Variants in ZNF480 observed in about 807,000 individuals in gnomAD.
ZNF480 encodes zinc finger protein 480.
Under a neutral mutation model 14.4 loss-of-function variants are expected in ZNF480, and 15 were observed. The observed-to-expected ratio is 1.04, with a 90% CI of 0.70 to 1.60. ZNF480 has a LOEUF of 1.60. ZNF480 is among the 40% of genes most tolerant of loss of function. ZNF480 has a pLI of 0.00. For synonymous variants in ZNF480, 218 were observed against 215.5 expected (o/e 1.01, Z -0.10); for missense variants, 593 against 629.7 (o/e 0.94, Z 0.62).
intron 2 of ZNF480, among the ~76,000 whole-genome samples, chr19:52,309,831 C>A (rs1983183204): frequency 6.6e-6 from 1 of 152,084 alleles, no homozygotes; most frequent in Non-Finnish European, 1.5e-5. Flanking sequence ...TCAAAATGGT[C>A]CGGGGCTTCC....
In ZNF480 at chr19:52,314,135, A is replaced by T; in HGVS notation, c.73-18A>T. On this transcript the variant is annotated intron_variant, in intron 2 of 4. Transcript: ENST00000595962. ...ACCCTTTACATATCCTGTTGGTGAA[A>T]TGTGGTTTTCATTTTAGGGACACTT... 1 of 1,549,952 alleles carries T rather than the reference A, an allele frequency of 6.5e-7. No homozygotes were observed. Among genetic ancestry groups the T allele is most frequent in the Non-Finnish European group, 8.8e-7 (1 of 1,140,232 alleles).
At chr19:52,310,723 G>A (rs913784298) in intron 2 of ZNF480, among the ~76,000 whole-genome samples, 4 of 151,730 alleles carry the variant, frequency 2.6e-5, no homozygotes, top group Non-Finnish European at 5.9e-5. Context: ...ACTGCTAGCC[G>A]GTCATGGTGG....
rs551964166 is a variant in ZNF480, at chr19:52,320,860, C to T, written c.329-719C>T. Among the ~76,000 whole-genome samples, 6 of 152,090 alleles carry T rather than the reference C, an allele frequency of 3.9e-5. No homozygotes were observed. In the East Asian group the frequency reaches 7.7e-4, roughly 20 times the overall value. Reference sequence around the variant, plus strand: ...AATGTGGTGGTGCATGCCTGTAGACCCAGCTACTCAGGAGGCTGAAGCAGG... The same window carrying T: ...AATGTGGTGGTGCATGCCTGTAGACTCAGCTACTCAGGAGGCTGAAGCAGG... On this transcript the variant is annotated intron_variant, in intron 4 of 4. Transcript: ENST00000595962.
intron 2 of ZNF480, chr19:52,313,951 C>G (rs111967758): frequency 0.027 from 11,730 of 441,428 alleles, 210 homozygotes; most frequent in Non-Finnish European, 0.035. Flanking sequence ...TGCACTCCAG[C>G]CTGGGCAACA....
At chr19:52,317,078 C>T (rs915009374) in intron 4 of ZNF480, among the ~76,000 whole-genome samples, 11 of 151,798 alleles carry the variant, frequency 7.2e-5, no homozygotes, top group African/African-American at 2.4e-4. Context: ...AGTGCAGTGG[C>T]GTGATCTTGG....
At chr19:52,304,331 T>C (rs958941143) in intron 2 of ZNF480, among the ~76,000 whole-genome samples, 1 of 152,340 alleles carries the variant, frequency 6.6e-6, no homozygotes, top group Non-Finnish European at 1.5e-5. Context: ...AATGTCCCCA[T>C]AGGTTGTATA....
At chr19:52,299,628 C>A (rs937752729) in intron 1 of ZNF480, among the ~76,000 whole-genome samples, 1 of 152,138 alleles carries the variant, frequency 6.6e-6, no homozygotes, top group African/African-American at 2.4e-5. Flanking sequence ...GATGACTAGC[C>A]CGATGGAAGA....
chr19:52,309,807 GT>G (rs772939991), intron 2 of ZNF480, among the ~76,000 whole-genome samples: 61 of 152,098 alleles, frequency 4.0e-4, no homozygotes, highest in Non-Finnish European at 7.9e-4. Flanking sequence ...TGTTTAATTT[GT>G]GTCCACATGG....
At chr19:52,319,171 T>C (rs1163032378) in intron 4 of ZNF480, among the ~76,000 whole-genome samples, 1 of 152,102 alleles carries the variant, frequency 6.6e-6, no homozygotes, top group African/African-American at 2.4e-5. Flanking sequence ...GGTCATTTTT[T>C]ACTTTAATGG....
intron 2 of ZNF480, among the ~76,000 whole-genome samples, chr19:52,304,543 C>G (rs892347769): frequency 3.9e-5 from 6 of 152,002 alleles, no homozygotes; most frequent in Admixed American, 3.9e-4. Flanking sequence ...TATTTGTTAA[C>G]CATTTTAAAG....
At chr19:52,320,026 C>T (rs1177674929) in intron 4 of ZNF480, among the ~76,000 whole-genome samples, 2 of 151,978 alleles carry the variant, frequency 1.3e-5, no homozygotes, top group Non-Finnish European at 2.9e-5. Context: ...CCATGTTGGT[C>T]AGGCTGGTCT....
intron 1 of ZNF480, among the ~76,000 whole-genome samples, 183 bp downstream of exon 1, chr19:52,297,406 G>A (rs1982453375): frequency 6.6e-6 from 1 of 151,670 alleles, no homozygotes; most frequent in South Asian, 2.1e-4. Context: ...GCTCGGCGGC[G>A]GGTCCTGTCC....
intron 2 of ZNF480, among the ~76,000 whole-genome samples, chr19:52,306,915 G>A (rs553834377): frequency 1.0e-3 from 158 of 152,230 alleles, no homozygotes; most frequent in African/African-American, 3.5e-3. Context: ...TGGAGGGTGA[G>A]GCCACTCTTT....
chr19:52,317,886 C>T (rs1374263495), intron 4 of ZNF480, among the ~76,000 whole-genome samples: 2 of 151,920 alleles, frequency 1.3e-5, no homozygotes, highest in African/African-American at 4.8e-5. Context: ...CTTGACAAAA[C>T]GTATTCTATA....
intron 2 of ZNF480, among the ~76,000 whole-genome samples, chr19:52,311,231 C>T (rs915942137): frequency 6.6e-6 from 1 of 151,766 alleles, no homozygotes. Context: ...TGTGTAGAAT[C>T]CCAGCTTCTT....
chr19:52,314,473 C>CAAAAA (rs34349660), intron 3 of ZNF480, among the ~76,000 whole-genome samples, 194 bp downstream of exon 3: 1 of 66,204 alleles, frequency 1.5e-5, no homozygotes, highest in Non-Finnish European at 2.5e-5. Flanking sequence ...AACTCCGTCC[C>CAAAAA]AAAAAAAAAA....
chr19:52,321,244 G>A (rs1983794348), intron 4 of ZNF480, among the ~76,000 whole-genome samples: 1 of 152,122 alleles, frequency 6.6e-6, no homozygotes, highest in South Asian at 2.1e-4. Flanking sequence ...CTTTGTGCAT[G>A]TACTGTTATT....
intron 2 of ZNF480, among the ~76,000 whole-genome samples, chr19:52,312,112 A>G (rs1197684148): frequency 6.6e-6 from 1 of 152,058 alleles, no homozygotes; most frequent in African/African-American, 2.4e-5. Context: ...GATGGCTGTG[A>G]ATAGTAACAT....
At chr19:52,314,043 C>T (rs1423786387) in intron 2 of ZNF480, 110 bp from the exon 3 acceptor site, 18 of 1,221,166 alleles carry the variant, frequency 1.5e-5, no homozygotes, top group South Asian at 4.0e-5. Context: ...AATGGGGATT[C>T]GTCAGAACAT....
Sources: gnomAD v4.1 joint callset for allele counts (sites outside exome capture counted in the v4.1 genomes callset) on GRCh38, gnomAD v4.1.1 for gene constraint, MANE v1.5 for transcripts, NCBI Gene and HGNC (gene_info 2026-07-23, HGNC 2026-07-21) for gene names.